The following BZW1 variants were observed in gnomAD, a reference collection of about 807,000 sequenced individuals.
BZW1 encodes the protein basic leucine zipper and W2 domains 1.
BZW1 carries 3 observed loss-of-function variants against 54.1 expected under a neutral mutation model. The ratio of observed to expected loss-of-function variants is 0.06; its 90% CI spans 0.03 to 0.14. The LOEUF is 0.14. Among genes scored for constraint, BZW1 ranks in the 10% least tolerant of loss-of-function variants. The pLI, the probability that BZW1 is intolerant of heterozygous loss-of-function variation, is 1.00. For synonymous variants in BZW1, 152 were observed against 162.7 expected (o/e 0.93, Z 0.50); for missense variants, 206 against 491.7 (o/e 0.42, Z 5.50).
rs2038670394 is a variant in BZW1 at position 200,825,575 on chromosome 2, AC to A, written c.*3401del. On this transcript the variant is annotated 3_prime_UTR_variant, in exon 12 of 12. Transcript: ENST00000409600. ...TTTCACCAGTTGTGCTTTGTTCCTT[AC>A]CCCACCACAGGCAACAGACAAAGCA... 1 of 152,036 alleles carries A rather than the reference AC, an allele frequency of 6.6e-6. No homozygotes were observed. Among genetic ancestry groups the A allele is most frequent in the African/African-American group, 2.4e-5 (1 of 41,356 alleles). The allele number at this position is 152,036 out of a possible 1,614,324, so 9.4% of individuals were successfully genotyped here. A position where few individuals can be genotyped will look rare whatever the true frequency, so the allele number is the denominator to read the frequency against.
intron 5 of BZW1, among the ~76,000 whole-genome samples, chr2:200,816,700 A>T (rs1025011377): frequency 4.6e-5 from 7 of 152,194 alleles, no homozygotes; most frequent in African/African-American, 1.7e-4. Flanking sequence ...CATGTTGGCT[A>T]GGCTGGCCTT....
In BZW1 at chr2:200,817,144, G is replaced by A; in HGVS notation, c.441G>A (p.Arg147=). ...TGAAGGGTTTTTCAGAGTCGGAGAG[G>A]AACAAGCTAGCTATGTTGACTGGTG... ...LFLKGFSESE[R]NKLAMLTGVL... Residue 147 remains arginine (R), a synonymous_variant, in exon 6 of 12, where the codon AGG becomes AGA. Transcript: ENST00000409600. 1.2e-6 allele frequency: 2 copies of A among 1,613,856 alleles called. No homozygotes were observed. The highest frequency in any genetic ancestry group is 2.2e-5 in the East Asian group (1 of 44,882).
intron 2 of BZW1, among the ~76,000 whole-genome samples, chr2:200,814,867 T>G (rs765203801): frequency 1.3e-5 from 2 of 152,264 alleles, no homozygotes; most frequent in Non-Finnish European, 2.9e-5. Context: ...AAGCAAATGC[T>G]TAATATAGTT....
At chr2:200,813,174 C>T in intron 1 of BZW1, 34 bp from the exon 2 acceptor site, 1 of 1,552,694 alleles carries the variant, frequency 6.4e-7, no homozygotes, top group Non-Finnish European at 8.9e-7. Flanking sequence ...AGTATTATGG[C>T]ACTGATATTA....
rs2038165313 is a variant in BZW1, at chr2:200,813,485, A to G, written c.64+204A>G. On this transcript the variant is annotated intron_variant, in intron 2 of 11. Transcript: ENST00000409600. ...TCAAGCCTTAATTTTTAGTATCAAT[A>G]TATCTCTAAGCCGGTTAGTGAATCT... The G allele has an allele frequency of 1.4e-5, 7 of 502,900 alleles. No individual in the cohort carries two copies. The South Asian group carries it at 2.0e-4, about 14-fold the overall frequency. 31.2% of individuals were successfully genotyped at this position (502,900 alleles called of 1,614,324 possible).
In BZW1 at chr2:200,826,587, A is replaced by G. The variant is rs2038709312; in HGVS notation, c.*4409A>G. 1.3e-5 allele frequency: 2 copies of G among 151,980 alleles called. No individual in the cohort carries two copies. The highest frequency in any genetic ancestry group is 2.4e-5 in the African/African-American group (1 of 41,364). 9.4% of individuals were successfully genotyped at this position (151,980 alleles called of 1,614,324 possible). A position where few individuals can be genotyped will look rare whatever the true frequency, so the allele number is the denominator to read the frequency against. On this transcript the variant is annotated 3_prime_UTR_variant, in exon 12 of 12. Transcript: ENST00000409600. Reference sequence around the variant, plus strand: ...AGGCGCCCACCAACCAAGCCCGGCTAAGGTATTTTTAAATGTACTCAATCA... The same window carrying G: ...AGGCGCCCACCAACCAAGCCCGGCTGAGGTATTTTTAAATGTACTCAATCA...
At chr2:200,812,464 G>A in intron 1 of BZW1, 1 of 1,336,468 alleles carries the variant, frequency 7.5e-7, no homozygotes, top group Non-Finnish European at 9.6e-7. Flanking sequence ...TGGTCCGCTC[G>A]TTGCGGCGGC....
intron 2 of BZW1, 37 bp from the exon 3 acceptor site, chr2:200,815,304 T>G (rs1192540432): frequency 6.4e-7 from 1 of 1,555,446 alleles, no homozygotes; most frequent in Non-Finnish European, 8.7e-7. Context: ...TGGTAAATCT[T>G]TTAAAACTAA....
chr2:200,821,157 C>T (rs372219880), intron 10 of BZW1, 26 bp from the exon 11 acceptor site: 31 of 1,610,210 alleles, frequency 1.9e-5, no homozygotes, highest in Non-Finnish European at 2.5e-5. Context: ...TTAAAACTCC[C>T]TTAATGCAAT....
rs144646385 is a variant in BZW1, at chr2:200,821,997, A to C, written c.1229-150A>C. 4.5e-4 allele frequency: 295 copies of C among 656,474 alleles called. 1 individual carries two copies. In the African/African-American group the frequency reaches 5.0e-3, roughly 11 times the overall value. 40.7% of individuals were successfully genotyped at this position (656,474 alleles called of 1,614,324 possible). On this transcript the variant is annotated intron_variant, in intron 11 of 11. Coordinates refer to ENST00000409600, the MANE Select transcript of BZW1 (RefSeq NM_001207067.2). Reference sequence around the variant, plus strand: ...AGTGGGAGGATCACTTGAACCCGGGAGGCAGAGGTTGCAGTGAGCCAAGAG... The same window carrying C: ...AGTGGGAGGATCACTTGAACCCGGGCGGCAGAGGTTGCAGTGAGCCAAGAG...
In BZW1 at chr2:200,826,405, ATATTTTT is replaced by A. The variant is rs2038698472; in HGVS notation, c.*4229_*4235del. The A allele has an allele frequency of 1.0e-4, 5 of 48,678 alleles. No individual in the cohort carries two copies. The highest frequency in any genetic ancestry group is 4.3e-4 in the African/African-American group (5 of 11,634). The allele number at this position is 48,678 out of a possible 1,614,324, so 3.0% of individuals were successfully genotyped here. On this transcript the variant is annotated 3_prime_UTR_variant, in exon 12 of 12. Transcript: ENST00000409600. ...GATAGATAGATAGATAGATAGATAG[ATATTTTT>A]TTTTTTTTTTTTTTTTTTTTTTTTT...
In BZW1 at chr2:200,826,404, G is replaced by GATAGATAGATAGATAGATAGAT. The variant is rs1478189638; in HGVS notation, c.*4229_*4230insGATAGATAGATAGATAGATATA. ...AGATAGATAGATAGATAGATAGATAGATATTTTTTTTTTTTTTTTTTTTTT... is the reference window on the plus strand; with the variant it reads ...AGATAGATAGATAGATAGATAGATAGATAGATAGATAGATAGATAGATATATTTTTTTTTTTTTTTTTTTTTT... On this transcript the variant is annotated 3_prime_UTR_variant, in exon 12 of 12. Transcript: ENST00000409600. 3.6e-5 allele frequency: 2 copies of GATAGATAGATAGATAGATAGAT among 55,786 alleles called. No homozygotes were observed. The highest frequency in any genetic ancestry group is 4.6e-4 in the South Asian group (1 of 2,190). 3.5% of individuals were successfully genotyped at this position (55,786 alleles called of 1,614,324 possible). A position where few individuals can be genotyped will look rare whatever the true frequency, so the allele number is the denominator to read the frequency against.
At position 200,825,531 on chromosome 2, in the gene BZW1, A is replaced by T. The variant is rs1265216545; in HGVS notation, c.*3353A>T. The T allele has an allele frequency of 6.6e-6, 1 of 152,224 alleles. No individual in the cohort carries two copies. Among genetic ancestry groups the T allele is most frequent in the Non-Finnish European group, 1.5e-5 (1 of 68,044 alleles). 9.4% of individuals were successfully genotyped at this position (152,224 alleles called of 1,614,324 possible). A position where few individuals can be genotyped will look rare whatever the true frequency, so the allele number is the denominator to read the frequency against. ...GTCAGGGTCAATAGAAAGTAGACGAAATTCATTTTCAGCCAATCTTTCACC... is the reference window on the plus strand; with the variant it reads ...GTCAGGGTCAATAGAAAGTAGACGATATTCATTTTCAGCCAATCTTTCACC... On this transcript the variant is annotated 3_prime_UTR_variant, in exon 12 of 12. Coordinates refer to ENST00000409600, the MANE Select transcript of BZW1 (RefSeq NM_001207067.2).
intron 2 of BZW1, among the ~76,000 whole-genome samples, chr2:200,814,967 T>G (rs974528743): frequency 4.6e-5 from 7 of 152,246 alleles, no homozygotes; most frequent in African/African-American, 1.7e-4. Context: ...TTGTTTAATA[T>G]TATGGACATT....
Position 200,821,191 on chromosome 2 carries a change from C to T in BZW1, c.1114C>T (p.Leu372=). Residue 372 remains leucine (L), a synonymous_variant, in exon 11 of 12, where the codon CTG becomes TTG. Coordinates refer to ENST00000409600, the MANE Select transcript of BZW1 (RefSeq NM_001207067.2). ...ATGAGTTTTCTTTCCAGCTGAAGTC[C>T]TGAGCGAGGAGCCCATTTTGAAGTG... ...IVVLFYKAEV[L]SEEPILKWYK... The T allele has an allele frequency of 6.2e-7, 1 of 1,611,438 alleles. No individual in the cohort carries two copies. Among genetic ancestry groups the T allele is most frequent in the Non-Finnish European group, 8.5e-7 (1 of 1,179,484 alleles).
rs1233363428 is a variant in BZW1, at chr2:200,827,032, C to T, written c.*4854C>T. ...AAGTGATTCATTTATAGACTGAAGC[C>T]TCTATGACTTCAAAAAGATACTCAA... On this transcript the variant is annotated 3_prime_UTR_variant, in exon 12 of 12. Coordinates refer to ENST00000409600, the MANE Select transcript of BZW1 (RefSeq NM_001207067.2). 3 of 151,808 alleles carry T rather than the reference C, an allele frequency of 2.0e-5. No individual in the cohort carries two copies. Among genetic ancestry groups the T allele is most frequent in the Non-Finnish European group, 4.4e-5 (3 of 68,010 alleles). 9.4% of individuals were successfully genotyped at this position (151,808 alleles called of 1,614,324 possible).
chr2:200,812,003 G>A lies in BZW1; in HGVS notation c.-11+13G>A, dbSNP rs952347311. On this transcript the variant is annotated intron_variant, in intron 1 of 11. Coordinates refer to ENST00000409600, the MANE Select transcript of BZW1 (RefSeq NM_001207067.2). ...CGCCTTAAATTCGGTGAGACGCGGC[G>A]CCCCGCTCACCCCGGGCGGACGCTG... The A allele has an allele frequency of 7.9e-6, 3 of 378,858 alleles. No homozygotes were observed. The highest frequency in any genetic ancestry group is 1.4e-4 in the South Asian group (1 of 6,954). The allele number at this position is 378,858 out of a possible 1,614,324, so 23.5% of individuals were successfully genotyped here.
At chr2:200,813,636 A>G (rs572329221) in intron 2 of BZW1, among the ~76,000 whole-genome samples, 1 of 152,372 alleles carries the variant, frequency 6.6e-6, no homozygotes, top group Admixed American at 6.5e-5. Flanking sequence ...GAGAACTCCT[A>G]ATGTAGTCAC....
At chr2:200,812,675 T>C (rs1054073454) in intron 1 of BZW1, 8 of 1,086,972 alleles carry the variant, frequency 7.4e-6, no homozygotes, top group Non-Finnish European at 1.1e-5. Context: ...GGCTGGCTGT[T>C]AGTTTTGCAG....
Sources: allele counts gnomAD v4.1 joint callset (sites outside exome capture counted in the v4.1 genomes callset), GRCh38; gene constraint gnomAD v4.1.1; transcripts MANE v1.5; gene names NCBI Gene and HGNC (gene_info 2026-07-23, HGNC 2026-07-21).